TUB: variants seen among roughly 807,000 people sequenced by gnomAD.
The protein encoded by TUB is tubby protein homolog.
In TUB, 33 loss-of-function variants were observed where a neutral mutation model predicts 59.7. The observed-to-expected ratio is 0.55, with a 90% CI of 0.42 to 0.74. TUB has a LOEUF of 0.74. TUB is among the 30% of genes least tolerant of loss of function. The pLI, the probability that TUB is intolerant of heterozygous loss-of-function variation, is 0.00. For missense variants in TUB, 659 were observed against 672.0 expected (o/e 0.98, Z 0.21); for synonymous variants, 293 against 256.4 (o/e 1.14, Z -1.36).
At chr11:8,075,597 A>G (rs1322275950) in intron 2 of TUB, 6 of 152,220 alleles carry the variant, frequency 3.9e-5, no homozygotes, top group African/African-American at 1.4e-4. Flanking sequence ...AATTTATTCT[A>G]TAGGGCTGTT....
At chr11:8,079,635 GGAGA>G (rs1332987614), upstream of TUB, among the ~76,000 whole-genome samples, 2 of 151,768 alleles carry the variant, frequency 1.3e-5, no homozygotes, top group Admixed American at 6.6e-5. Flanking sequence ...CCAGAAGCCT[GGAGA>G]GAGAGGCCAT....
intron 4 of TUB, 112 bp downstream of exon 4, chr11:8,094,301 G>A (rs1943888314): frequency 7.3e-7 from 1 of 1,360,570 alleles, no homozygotes; most frequent in East Asian, 2.5e-5. Context: ...CAGCCTCAGG[G>A]AAGACACAGA....
Position 8,097,319 on chromosome 11 carries a change from C to G in TUB, c.779C>G (p.Pro260Arg). The G allele has an allele frequency of 6.2e-7, 1 of 1,614,150 alleles. No individual in the cohort carries two copies. The highest frequency in any genetic ancestry group is 1.1e-5 in the South Asian group (1 of 91,076). ...GAGGAGTTTGCACTGAGGCCGGCCC[C>G]CCAGGGTATCACCATCAAATGCCGC... is the stretch of plus-strand genomic sequence containing the variant. ...DLEEFALRPA[P>R]QGITIKCRIT... The change falls in exon 7 of 12, where the codon CCC (proline) becomes CGC (arginine). Residue 260 changes from proline to arginine, a missense_variant. By Grantham distance (103) the Pro-to-Arg change is moderately radical. This residue lies in a region of TUB where 112 missense variants were observed against 156.9 expected (regional missense o/e 0.71). Transcript: ENST00000299506.
chr11:8,032,104 C>CGCCTGGGGAAAG (rs902991651), intron 1 of TUB, among the ~76,000 whole-genome samples: 7 of 151,834 alleles, frequency 4.6e-5, no homozygotes, highest in African/African-American at 1.7e-4. Context: ...GTGAGTGTCC[C>CGCCTGGGGAAAG]GCCTGGGGAA....
rs1177541239 is a variant in TUB at position 8,097,716 on chromosome 11, G to A, written c.888G>A (p.Val296=). Residue 296 remains valine, a splice_region_variant and synonymous_variant, in exon 8 of 12, where the codon GTG becomes GTA. Transcript: ENST00000299506. The part of the protein sequence containing the change: ...LHLDREDGKK[V]FLLAGRKRKK... ...ATGACCTCATTCCACTCCCCAAGGT[G>A]TTCCTCCTGGCGGGAAGGAAGAGAA... 6.2e-7 allele frequency: 1 copy of A among 1,612,742 alleles called. No homozygotes were observed. The highest frequency in any genetic ancestry group is 1.7e-5 in the Admixed American group (1 of 59,954).
intron 3 of TUB, 84 bp downstream of exon 3, chr11:8,090,315 T>TCCTGAC: frequency 1.3e-6 from 2 of 1,525,144 alleles, no homozygotes; most frequent in Non-Finnish European, 1.8e-6. Flanking sequence ...TGCGGACTGG[T>TCCTGAC]CCTGACGGGG....
chr11:8,044,363 T>G (rs1459512549), intron 2 of TUB, among the ~76,000 whole-genome samples: 1 of 152,248 alleles, frequency 6.6e-6, no homozygotes, highest in Non-Finnish European at 1.5e-5. Context: ...ATACTATGTT[T>G]TTCATCTCTT....
intron 1 of TUB, among the ~76,000 whole-genome samples, chr11:8,085,270 AG>A (rs1308503020): frequency 1.3e-5 from 2 of 152,168 alleles, no homozygotes; most frequent in Non-Finnish European, 2.9e-5. Context: ...TTACAAAGAG[AG>A]AGAGGAGTGG....
intron 2 of TUB, among the ~76,000 whole-genome samples, chr11:8,054,434 G>T (rs569911241): frequency 1.3e-5 from 2 of 152,226 alleles, no homozygotes; most frequent in South Asian, 4.2e-4. Flanking sequence ...GGCCTGGCAG[G>T]GGCAAGGGCT....
At chr11:8,062,516 C>CGTGTGT (rs34497745) in intron 2 of TUB, among the ~76,000 whole-genome samples, 5 of 149,902 alleles carry the variant, frequency 3.3e-5, no homozygotes, top group African/African-American at 1.2e-4. Flanking sequence ...GGTTTGTGTG[C>CGTGTGT]GTGTGTGTGT....
At chr11:8,083,844 T>TA (rs964523756) in intron 1 of TUB, among the ~76,000 whole-genome samples, 13 of 152,148 alleles carry the variant, frequency 8.5e-5, no homozygotes, top group African/African-American at 2.7e-4. Flanking sequence ...GCTGGGGTCT[T>TA]TCTGGGCACG....
chr11:8,024,835 T>TGTGA (rs984557996), intron 1 of TUB, among the ~76,000 whole-genome samples: 88 of 152,356 alleles, frequency 5.8e-4, no homozygotes, highest in African/African-American at 2.1e-3. Flanking sequence ...TGTTTGTGTG[T>TGTGA]GTGAGTGTGA....
upstream of TUB, among the ~76,000 whole-genome samples, chr11:8,078,320 C>T (rs940837373): frequency 7.2e-5 from 11 of 152,082 alleles, no homozygotes; most frequent in Admixed American, 7.2e-4. Flanking sequence ...AGGATTTGGG[C>T]AGGTGGTGAG....
Position 8,085,216 on chromosome 11 carries a change from G to A in TUB, c.38+3668G>A, listed in dbSNP as rs191413413. The stretch of plus-strand genomic sequence containing the variant: ...AGATCACCAGCTGTGGCTCGTGGTC[G>A]CATTTGCATGGCTGAGCATTAGAAT... On this transcript the variant is annotated intron_variant, in intron 1 of 11. Coordinates refer to ENST00000299506, the MANE Select transcript of TUB (RefSeq NM_177972.3). 3.6e-4 allele frequency among the ~76,000 whole-genome samples: 55 copies of A among 152,276 alleles called. 1 individual carries two copies. The East Asian group carries it at 9.4e-3, about 26-fold the overall frequency.
At chr11:8,039,068 C>T (rs747484740) in intron 1 of TUB, 17 of 1,601,014 alleles carry the variant, frequency 1.1e-5, no homozygotes, top group African/African-American at 1.3e-5. Flanking sequence ...ATGGGCCCAA[C>T]CATTGCGTCA....
chr11:8,089,045 C>G (rs940614240), intron 1 of TUB, among the ~76,000 whole-genome samples: 1 of 152,200 alleles, frequency 6.6e-6, no homozygotes, highest in Non-Finnish European at 1.5e-5. Flanking sequence ...GGACCCTCTG[C>G]CCTCTTTAAG....
chr11:8,049,589 A>ATATATATATATATAT (rs1942899702), intron 2 of TUB, among the ~76,000 whole-genome samples: 1 of 142,800 alleles, frequency 7.0e-6, no homozygotes, highest in Non-Finnish European at 1.5e-5. Context: ...ATAGATAGAT[A>ATATATATATATATAT]GATAGATAGA....
In TUB at chr11:8,102,244, T is replaced by G. The variant is rs777383969; in HGVS notation, c.*625T>G. The G allele has an allele frequency of 3.3e-5, 5 of 152,366 alleles. No individual in the cohort carries two copies. Among genetic ancestry groups the G allele is most frequent in the African/African-American group, 4.8e-5 (2 of 41,462 alleles). The allele number at this position is 152,366 out of a possible 1,614,324, so 9.4% of individuals were successfully genotyped here. Reference sequence around the variant, plus strand: ...CCTGTCAGGATTGCAGGTGCCTGGCTTGCTGTGGCTATGGGAATCAGCTGG... The same window carrying G: ...CCTGTCAGGATTGCAGGTGCCTGGCGTGCTGTGGCTATGGGAATCAGCTGG... On this transcript the variant is annotated 3_prime_UTR_variant, in exon 12 of 12. Transcript: ENST00000299506.
rs577274373 is a variant in TUB at position 8,105,953 on chromosome 11, A to G, written c.*4334A>G. 2.2e-3 allele frequency: 336 copies of G among 152,264 alleles called. 1 individual carries two copies. The highest frequency in any genetic ancestry group is 3.8e-3 in the Non-Finnish European group (261 of 68,002). The allele number at this position is 152,264 out of a possible 1,614,324, so 9.4% of individuals were successfully genotyped here. A position where few individuals can be genotyped will look rare whatever the true frequency, so the allele number is the denominator to read the frequency against. ...GCTGGGAACACAGCCAGTTTTCACA[A>G]TGCCTAGACTGTGTATGTCTATTTG... is the stretch of plus-strand genomic sequence containing the variant. On this transcript the variant is annotated 3_prime_UTR_variant, in exon 12 of 12. Coordinates refer to ENST00000299506, the MANE Select transcript of TUB (RefSeq NM_177972.3).
Sources: allele counts gnomAD v4.1 joint callset (sites outside exome capture counted in the v4.1 genomes callset), GRCh38; gene constraint gnomAD v4.1.1; regional missense constraint gnomAD v4.1.1; transcripts MANE v1.5; gene names NCBI Gene and HGNC (gene_info 2026-07-23, HGNC 2026-07-21).